FAAH2: variants seen among roughly 807,000 people sequenced by gnomAD.
FAAH2 encodes the protein fatty-acid amide hydrolase 2.
FAAH2 carries 60 observed loss-of-function variants against 36.9 expected under a neutral mutation model. That is an observed-to-expected ratio of 1.63 (90% confidence interval 1.32 to 2.02). The LOEUF is 2.02. Ranked by LOEUF, FAAH2 falls within the 30% of genes most tolerant of loss-of-function variation. The pLI is 0.00. For missense variants in FAAH2, 689 were observed against 397.5 expected (o/e 1.73, Z -6.23); for synonymous variants, 214 against 143.8 (o/e 1.49, Z -3.49).
At chrX:57,456,277 T>A (rs768978021) in intron 10 of FAAH2, among the ~76,000 whole-genome samples, 1 of 112,066 alleles carries the variant, frequency 8.9e-6, no homozygotes, top group Non-Finnish European at 1.9e-5. Flanking sequence ...GCTTACCAAA[T>A]CTTTGAGATG....
chrX:57,218,099 G>C, the FAAH2 span, among the ~76,000 whole-genome samples: 1 of 111,852 alleles, frequency 8.9e-6, no homozygotes, highest in South Asian at 3.7e-4. Context: ...GCTTTCTGGA[G>C]GAGTCCTTAG....
intron 5 of FAAH2, among the ~76,000 whole-genome samples, chrX:57,368,949 G>A (rs2054485754): frequency 9.2e-6 from 1 of 108,966 alleles, no homozygotes; most frequent in African/African-American, 3.4e-5. Flanking sequence ...ATATACAAGA[G>A]TACACAGACA....
the FAAH2 span, among the ~76,000 whole-genome samples, chrX:57,179,463 G>A: frequency 1.8e-5 from 2 of 111,268 alleles, no homozygotes; most frequent in African/African-American, 6.5e-5. Flanking sequence ...AAAAAGCAGG[G>A]GTTGCAATCC....
At chrX:57,357,850 A>G (rs1174969324) in intron 5 of FAAH2, among the ~76,000 whole-genome samples, 1 of 111,625 alleles carries the variant, frequency 9.0e-6, no homozygotes, top group Admixed American at 9.5e-5. Flanking sequence ...CACCCAAAGG[A>G]TTATAAATCA....
the FAAH2 span, among the ~76,000 whole-genome samples, chrX:57,225,774 A>G: frequency 5.4e-5 from 6 of 111,036 alleles, no homozygotes; most frequent in Non-Finnish European, 7.5e-5. Context: ...TATCTATCTC[A>G]TTTCTTCATT....
intron 7 of FAAH2, among the ~76,000 whole-genome samples, chrX:57,427,821 G>T (rs774228685): frequency 4.4e-5 from 4 of 91,038 alleles, no homozygotes; most frequent in African/African-American, 1.3e-4. Context: ...AAAGTTGAAA[G>T]CATTCTTTCT....
At chrX:57,198,213 G>T in the FAAH2 span, among the ~76,000 whole-genome samples, 2 of 111,731 alleles carry the variant, frequency 1.8e-5, no homozygotes, top group African/African-American at 6.5e-5. Context: ...GGTTAGGCAT[G>T]TCTGAGTTCA....
At chrX:57,416,935 C>A (rs1236122379) in intron 7 of FAAH2, among the ~76,000 whole-genome samples, 1 of 110,570 alleles carries the variant, frequency 9.0e-6, no homozygotes, top group Non-Finnish European at 1.9e-5. Context: ...TTTCTTCATT[C>A]TTTTTTTTTC....
At chrX:57,246,303 G>A in the FAAH2 span, among the ~76,000 whole-genome samples, 7 of 111,832 alleles carry the variant, frequency 6.3e-5, no homozygotes, top group South Asian at 3.7e-4. Flanking sequence ...GGTGAAAAGA[G>A]GAGCTGGTAG....
intron 10 of FAAH2, among the ~76,000 whole-genome samples, chrX:57,458,262 G>T (rs1313500488): frequency 8.9e-6 from 1 of 111,960 alleles, no homozygotes; most frequent in Admixed American, 9.5e-5. Flanking sequence ...GAATGAAACT[G>T]GATCTCTACC....
At chrX:57,162,374 G>A in the FAAH2 span, among the ~76,000 whole-genome samples, 13 of 111,079 alleles carry the variant, frequency 1.2e-4, no homozygotes, top group African/African-American at 2.3e-4. Flanking sequence ...TCTTTGTGGC[G>A]TTCTCTGTAT....
the FAAH2 span, among the ~76,000 whole-genome samples, chrX:57,129,418 A>G: frequency 8.9e-6 from 1 of 112,094 alleles, no homozygotes; most frequent in Non-Finnish European, 1.9e-5. Flanking sequence ...ACTTAACTGT[A>G]TAACTGTATT....
the FAAH2 span, among the ~76,000 whole-genome samples, chrX:57,165,557 G>A: frequency 2.7e-5 from 3 of 110,270 alleles, no homozygotes; most frequent in Admixed American, 9.7e-5. Flanking sequence ...GGGGGAGGGT[G>A]GAGGGATAGC....
rs188094953 is a variant in FAAH2 at position 57,444,520 on chromosome X, G to A, written c.1117-2408G>A. ...GGTACCGTATGTCATGGCTTCCCTT[G>A]GCTAGGAAAGGGAATTCTCCGACCC... On this transcript the variant is annotated intron_variant, in intron 8 of 10. Transcript: ENST00000374900. Among the ~76,000 whole-genome samples the A allele has an allele frequency of 5.2e-3, 580 of 111,609 alleles. 4 individuals are homozygous for A. The highest frequency in any genetic ancestry group is 0.018 in the African/African-American group (539 of 30,755).
At chrX:57,332,816 A>C (rs1188916578) in intron 4 of FAAH2, among the ~76,000 whole-genome samples, 6 of 111,998 alleles carry the variant, frequency 5.4e-5, no homozygotes, top group African/African-American at 1.9e-4. Context: ...CTTCCAAAGC[A>C]TACTGTTCTT....
chrX:57,157,621 T>C, the FAAH2 span, among the ~76,000 whole-genome samples: 1 of 111,438 alleles, frequency 9.0e-6, no homozygotes, highest in East Asian at 2.8e-4. Flanking sequence ...TGTGAGACTG[T>C]CCTTTCTATC....
intron 2 of FAAH2, among the ~76,000 whole-genome samples, chrX:57,308,650 G>T (rs933283266): frequency 8.1e-5 from 9 of 111,498 alleles, no homozygotes; most frequent in Non-Finnish European, 1.7e-4. Flanking sequence ...CCCAATACCT[G>T]AAATATATCA....
chrX:57,391,706 A>C (rs998694623), intron 7 of FAAH2, among the ~76,000 whole-genome samples: 1 of 111,123 alleles, frequency 9.0e-6, no homozygotes, highest in African/African-American at 3.3e-5. Flanking sequence ...TACCATTACC[A>C]TACAGTCTTT....
At chrX:57,459,155 C>T (rs946325851) in intron 10 of FAAH2, among the ~76,000 whole-genome samples, 3 of 112,204 alleles carry the variant, frequency 2.7e-5, no homozygotes, top group Admixed American at 9.4e-5. Flanking sequence ...GAGGGGCATC[C>T]GCCATTACTG....
Sources: gnomAD v4.1 joint callset for allele counts (sites outside exome capture counted in the v4.1 genomes callset) on GRCh38, gnomAD v4.1.1 for gene constraint, MANE v1.5 for transcripts, NCBI Gene and HGNC (gene_info 2026-07-23, HGNC 2026-07-21) for gene names.